The following MYLK variants were observed in gnomAD, a reference collection of about 807,000 sequenced individuals.
MYLK encodes myosin light chain kinase, smooth muscle.
Under a neutral mutation model 203.4 loss-of-function variants are expected in MYLK, and 106 were observed. That is an observed-to-expected ratio of 0.52 (90% CI 0.45 to 0.61). MYLK has a LOEUF of 0.61. MYLK is among the 20% of genes least tolerant of loss of function. MYLK has a pLI of 0.00. For missense variants in MYLK, 2,072 were observed against 2,442.3 expected, an observed-to-expected ratio of 0.85 and a Z score of 3.20; for synonymous variants, 867 against 959.5, an observed-to-expected ratio of 0.90 and a Z score of 1.78.
chr3:123,795,920 A>G (rs1182050177), intron 3 of MYLK, among the ~76,000 whole-genome samples: 4 of 152,244 alleles, frequency 2.6e-5, no homozygotes, highest in Non-Finnish European at 4.4e-5. Context: ...GTTTAAATTT[A>G]ATAATCTCTA....
At chr3:123,849,985 T>C (rs1340245934) in intron 2 of MYLK, among the ~76,000 whole-genome samples, 1 of 152,176 alleles carries the variant, frequency 6.6e-6, no homozygotes. Context: ...TGAGCGAGAA[T>C]ATGCGGTGTT....
chr3:123,737,270 G>T, intron 8 of MYLK, 108 bp downstream of exon 8: 1 of 1,392,014 alleles, frequency 7.2e-7, no homozygotes. Context: ...GGGTGTGTGA[G>T]TGGGCCAGGT....
At chr3:123,852,865 A>G (rs1238663795) in intron 2 of MYLK, among the ~76,000 whole-genome samples, 2 of 152,156 alleles carry the variant, frequency 1.3e-5, no homozygotes, top group East Asian at 3.8e-4. Flanking sequence ...TGGAATATAG[A>G]AGGTCCAGGA....
At chr3:123,654,182 A>T (rs1021621927) in intron 24 of MYLK, among the ~76,000 whole-genome samples, 5 of 152,192 alleles carry the variant, frequency 3.3e-5, no homozygotes, top group Non-Finnish European at 7.3e-5. Context: ...TGCTCTATGC[A>T]TATTGACATG....
chr3:123,867,590 T>C (rs1181543487), intron 2 of MYLK, among the ~76,000 whole-genome samples: 3 of 152,096 alleles, frequency 2.0e-5, no homozygotes, highest in African/African-American at 7.2e-5. Flanking sequence ...CAAGGACTGC[T>C]GGCAGCCACT....
In MYLK at chr3:123,884,300, G is replaced by T. The variant is rs2033722438; in HGVS notation, c.-280C>A. On this transcript the variant is annotated 5_prime_UTR_variant, in exon 1 of 34. Transcript: ENST00000360304. ...AGCGCGGGCTCCGAGCTCGCTCAGC[G>T]CCCTGCTGCCGACCGGGCGGCGCGG... The T allele has an allele frequency of 1.4e-5, 2 of 146,638 alleles. No individual in the cohort carries two copies. The highest frequency in any genetic ancestry group is 4.2e-4 in the South Asian group (2 of 4,742). 9.1% of individuals were successfully genotyped at this position (146,638 alleles called of 1,614,324 possible). A position where few individuals can be genotyped will look rare whatever the true frequency, so the allele number is the denominator to read the frequency against.
At chr3:123,683,211 G>A (rs1054421182) in intron 19 of MYLK, among the ~76,000 whole-genome samples, 4 of 151,714 alleles carry the variant, frequency 2.6e-5, no homozygotes, top group East Asian at 1.9e-4. Flanking sequence ...CTTTGGGGAC[G>A]GCGCTGAGAG....
intron 18 of MYLK, 46 bp downstream of exon 18, chr3:123,699,974 C>T (rs768129761): frequency 2.5e-6 from 4 of 1,613,576 alleles, no homozygotes; most frequent in East Asian, 4.5e-5. Flanking sequence ...CTAGGAGTGG[C>T]CCTGGTACAG....
intron 2 of MYLK, among the ~76,000 whole-genome samples, chr3:123,869,050 A>T (rs2032548941): frequency 6.6e-6 from 1 of 152,124 alleles, no homozygotes; most frequent in Non-Finnish European, 1.5e-5. Context: ...CTCCAGTAAA[A>T]GCCTTGGTCT....
In MYLK at chr3:123,621,117, C is replaced by T. The variant is rs556895261; in HGVS notation, c.5239-781G>A. ...CTAGACTTGGGAGAGGAAAGAATTTCTGCTGAAAAGGATCAGAACTTGAGA... is the reference window on the plus strand; with the variant it reads ...CTAGACTTGGGAGAGGAAAGAATTTTTGCTGAAAAGGATCAGAACTTGAGA... On this transcript the variant is annotated intron_variant, in intron 31 of 33. Coordinates refer to ENST00000360304, the MANE Select transcript of MYLK (RefSeq NM_053025.4). The T allele has an allele frequency of 2.6e-5, 4 of 152,304 alleles. No individual in the cohort carries two copies. In the South Asian group the frequency reaches 8.3e-4, roughly 32 times the overall value. 9.4% of individuals were successfully genotyped at this position (152,304 alleles called of 1,614,324 possible).
intron 24 of MYLK, among the ~76,000 whole-genome samples, chr3:123,655,307 C>T (rs2108260106): frequency 6.6e-6 from 1 of 152,274 alleles, no homozygotes. Context: ...AGACTCCAGC[C>T]TCCTCTTGGT....
chr3:123,717,953 G>A (rs1371903540), intron 13 of MYLK, among the ~76,000 whole-genome samples: 3 of 146,924 alleles, frequency 2.0e-5, no homozygotes, highest in African/African-American at 2.5e-5. Flanking sequence ...TCTCGACCTC[G>A]CAGGCTCAAG....
rs1187956742 is a variant in MYLK, at chr3:123,700,572, G to T, written c.2896C>A (p.Pro966Thr). Residue 966 changes from proline to threonine, a missense_variant, in exon 18 of 34, where the codon CCC (proline) becomes ACC (threonine). Physicochemically the swap from Pro to Thr is conservative, Grantham distance 38. Around this residue, in one of 3 missense-constraint regions of MYLK, gnomAD observed 865 missense variants for 1,016.0 expected, o/e 0.85. Coordinates refer to ENST00000360304, the MANE Select transcript of MYLK (RefSeq NM_053025.4). ...VLAKKGTSKT[P>T]VPEKVPPPKP... is the part of the protein sequence containing the mutation. ...GGCGGTGGCACCTTCTCAGGCACGG[G>T]GGTCTTGGAAGTCCCCTTCTTGGCC... The T allele has an allele frequency of 6.2e-7, 1 of 1,613,652 alleles. No homozygotes were observed. Among genetic ancestry groups the T allele is most frequent in the Non-Finnish European group, 8.5e-7 (1 of 1,179,882 alleles).
At chr3:123,708,593 C>A in intron 15 of MYLK, 105 bp downstream of exon 15, 1 of 1,317,952 alleles carries the variant, frequency 7.6e-7, no homozygotes, top group Non-Finnish European at 1.1e-6. Context: ...AGAGGGCCCT[C>A]AGTGGGAACA....
rs141546581 is a variant in MYLK at position 123,700,468 on chromosome 3, G to A, written c.3000C>T (p.Ala1000=). 58 of 1,607,878 alleles carry A rather than the reference G, an allele frequency of 3.6e-5. No individual in the cohort carries two copies. The highest frequency in any genetic ancestry group is 6.7e-5 in the African/African-American group (5 of 74,708). Residue 1000 remains alanine (A), a synonymous_variant, in exon 18 of 34, where the codon GCC becomes GCT. Transcript: ENST00000360304. The part of the protein sequence containing the change: ...KLPAENGSSS[A]ETLNAKAVES... ...CCACTGCCTTGGCATTCAGGGTCTC[G>A]GCACTGCTGCTGCCATTCTCTGCTG...
At chr3:123,706,482 G>T (rs2061465780) in intron 16 of MYLK, among the ~76,000 whole-genome samples, 1 of 152,126 alleles carries the variant, frequency 6.6e-6, no homozygotes, top group Non-Finnish European at 1.5e-5. Context: ...GCCAGGACAG[G>T]TCTAACCATC....
intron 3 of MYLK, among the ~76,000 whole-genome samples, chr3:123,805,081 G>C (rs982311464): frequency 3.9e-5 from 6 of 152,172 alleles, no homozygotes; most frequent in Admixed American, 1.3e-4. Context: ...GCCAAAGGCA[G>C]TTGCCATCAC....
intron 11 of MYLK, among the ~76,000 whole-genome samples, chr3:123,728,526 A>G (rs1444850502): frequency 6.6e-6 from 1 of 151,968 alleles, no homozygotes; most frequent in East Asian, 1.9e-4. Context: ...AAAACAATAA[A>G]CAACAACAAA....
chr3:123,807,011 G>A (rs1015793494), intron 3 of MYLK, among the ~76,000 whole-genome samples: 1 of 152,046 alleles, frequency 6.6e-6, no homozygotes, highest in African/African-American at 2.4e-5. Context: ...TGGAACACCC[G>A]AAGCTCAAAG....
Sources: allele counts gnomAD v4.1 joint callset (sites outside exome capture counted in the v4.1 genomes callset), GRCh38; gene constraint gnomAD v4.1.1; regional missense constraint gnomAD v4.1.1; transcripts MANE v1.5; gene names NCBI Gene and HGNC (gene_info 2026-07-23, HGNC 2026-07-21).